The following AMZ1 variants were observed in gnomAD, a reference collection of about 807,000 sequenced individuals.
The protein encoded by AMZ1 is archaelysin family metallopeptidase 1, also known as archaemetzincin-1.
A neutral mutation model predicts 29.9 loss-of-function variants in AMZ1; 39 were observed. That is an observed-to-expected ratio of 1.30 (90% CI 1.01 to 1.70). AMZ1 has a LOEUF of 1.70. AMZ1 is among the 40% of genes most tolerant of loss of function. The pLI is 0.00. For synonymous variants in AMZ1, 458 were observed against 304.0 expected, an observed-to-expected ratio of 1.51 and a Z score of -5.27; for missense variants, 1,041 against 680.6, an observed-to-expected ratio of 1.53 and a Z score of -5.89.
At chr7:2,759,338 C>T (rs1791451192) in intron 4 of AMZ1, among the ~76,000 whole-genome samples, 1 of 152,164 alleles carries the variant, frequency 6.6e-6, no homozygotes, top group Non-Finnish European at 1.5e-5. Flanking sequence ...ACCTACCTTG[C>T]ACTTCCTATG....
intron 1 of AMZ1, among the ~76,000 whole-genome samples, chr7:2,695,334 G>A (rs1489209697): frequency 6.6e-6 from 1 of 152,142 alleles, no homozygotes; most frequent in Non-Finnish European, 1.5e-5. Flanking sequence ...ATGCGGGTCT[G>A]GGCACAGGCT....
chr7:2,719,806 A>C (rs996132429), downstream of AMZ1, among the ~76,000 whole-genome samples: 3 of 151,058 alleles, frequency 2.0e-5, no homozygotes, highest in Non-Finnish European at 2.9e-5. Flanking sequence ...TCAGCCTCCC[A>C]CGTAGATGGG....
chr7:2,696,719 C>G (rs961389648), intron 1 of AMZ1, among the ~76,000 whole-genome samples: 1 of 151,822 alleles, frequency 6.6e-6, no homozygotes. Context: ...AACCCTGTCT[C>G]CACTAAAAAT....
Position 2,709,817 on chromosome 7 carries a change from G to A in AMZ1, c.948+1G>A, listed in dbSNP as rs762338362. Reference sequence around the variant, plus strand: ...TTTCAGGCTCATCGAGAGGTACCAGGTGAGTGGCTGAGTTGCGCTGCCCGG... The same window carrying A: ...TTTCAGGCTCATCGAGAGGTACCAGATGAGTGGCTGAGTTGCGCTGCCCGG... On this transcript the variant is annotated splice_donor_variant, in intron 6 of 6. Transcript: ENST00000683327. LOFTEE classifies it high-confidence loss of function. The A allele has an allele frequency of 6.8e-6, 11 of 1,611,572 alleles. No individual in the cohort carries two copies. The highest frequency in any genetic ancestry group is 2.7e-5 in the African/African-American group (2 of 74,912).
At chr7:2,708,933 T>A in intron 4 of AMZ1, 142 bp from the exon 5 acceptor site, 1 of 1,272,770 alleles carries the variant, frequency 7.9e-7, no homozygotes, top group Admixed American at 2.7e-5. Context: ...CCCAACTTCA[T>A]GTGGGCAGGA....
At chr7:2,743,973 G>C (rs1247455792) in intron 4 of AMZ1, among the ~76,000 whole-genome samples, 1 of 152,152 alleles carries the variant, frequency 6.6e-6, no homozygotes, top group Non-Finnish European at 1.5e-5. Context: ...GGCTGGGGGA[G>C]GGGTACCCAC....
At chr7:2,763,344 G>C (rs2115405163), upstream of AMZ1, 1 of 157,742 alleles carries the variant, frequency 6.3e-6, no homozygotes, top group Non-Finnish European at 1.4e-5. Flanking sequence ...TGCGCCCTCG[G>C]CACAGTTTGT....
In AMZ1 at chr7:2,700,508, C is replaced by T. The variant is rs555064289; in HGVS notation, c.57C>T (p.Asp19=). Residue 19 remains aspartate (D), a synonymous_variant, in exon 2 of 7, where the codon GAC becomes GAT. Transcript: ENST00000683327. Reference sequence around the variant, plus strand: ...GCTTCGGGCCCCGGGCCTTGAAGGACGCTCTGGTCTCCACTGACGCAGCCC... The same window carrying T: ...GCTTCGGGCCCCGGGCCTTGAAGGATGCTCTGGTCTCCACTGACGCAGCCC... ...EFSFGPRALK[D]ALVSTDAALQ... is the part of the protein sequence containing the mutation. 754 of 1,606,412 alleles carry T rather than the reference C, an allele frequency of 4.7e-4. 8 individuals carry two copies. The South Asian group carries it at 7.1e-3, about 15-fold the overall frequency.
intron 1 of AMZ1, among the ~76,000 whole-genome samples, chr7:2,696,383 A>C (rs1241100502): frequency 6.7e-6 from 1 of 150,294 alleles, no homozygotes; most frequent in East Asian, 2.1e-4. Flanking sequence ...CAGCCTCCCA[A>C]GTAGCTGGGA....
rs1789123083 is a variant in AMZ1, at chr7:2,716,367, G to GGTGTGA, written c.*3490_*3495dup. 1 of 152,194 alleles carries GGTGTGA rather than the reference G, an allele frequency of 6.6e-6. No homozygotes were observed. The highest frequency in any genetic ancestry group is 2.4e-5 in the African/African-American group (1 of 41,436). The allele number at this position is 152,194 out of a possible 1,614,324, so 9.4% of individuals were successfully genotyped here. A position where few individuals can be genotyped will look rare whatever the true frequency, so the allele number is the denominator to read the frequency against. On this transcript the variant is annotated 3_prime_UTR_variant, in exon 7 of 7. Coordinates refer to ENST00000683327, the MANE Select transcript of AMZ1 (RefSeq NM_001384743.1). The stretch of plus-strand genomic sequence containing the variant: ...AAGCAGCATCCTGACTCCTGTCCAT[G>GGTGTGA]GTGTGAACCCTGAGGGCACGGGACA...
downstream of AMZ1, among the ~76,000 whole-genome samples, chr7:2,724,081 A>AT (rs1402725101): frequency 1.1e-5 from 1 of 94,676 alleles, no homozygotes; most frequent in African/African-American, 4.1e-5. Flanking sequence ...AATTTTTTGT[A>AT]TTTTTAGTAG....
At chr7:2,739,463 T>C (rs1298696286) in intron 4 of AMZ1, among the ~76,000 whole-genome samples, 2 of 150,622 alleles carry the variant, frequency 1.3e-5, no homozygotes, top group African/African-American at 4.9e-5. Context: ...CAGTGCAACA[T>C]TCCATTTTAC....
upstream of AMZ1, chr7:2,763,145 G>A (rs1204356863): frequency 1.7e-6 from 2 of 1,187,274 alleles, no homozygotes; most frequent in East Asian, 3.7e-5. Flanking sequence ...AGCATTTCTC[G>A]AATATTCTGC....
chr7:2,691,131 C>CAAAA lies in AMZ1; in HGVS notation c.-219+2851_-219+2854dup, dbSNP rs35603123. Among the ~76,000 whole-genome samples, 181 of 68,644 alleles carry CAAAA rather than the reference C, an allele frequency of 2.6e-3. 15 individuals are homozygous for CAAAA. In the East Asian group the frequency reaches 0.046, roughly 18 times the overall value. The allele number at this position is 68,644 out of a possible 152,430, so 45.0% of individuals were successfully genotyped here. On this transcript the variant is annotated intron_variant, in intron 1 of 6. Coordinates refer to ENST00000683327, the MANE Select transcript of AMZ1 (RefSeq NM_001384743.1). Reference sequence around the variant, plus strand: ...TGCACTCCAGCCTGGGTGACAGAGGCAAAAAAAAAAAAAAAAAAAGCATTT... The same window carrying CAAAA: ...TGCACTCCAGCCTGGGTGACAGAGGCAAAAAAAAAAAAAAAAAAAAAAAGCATTT...
rs1788514294 is a variant in AMZ1 at position 2,708,576 on chromosome 7, C to CTTACCATGTCCTGA, written c.473-11_473-10insTACCATGTCCTGAT. The CTTACCATGTCCTGA allele has an allele frequency of 8.1e-6, 13 of 1,611,492 alleles. No homozygotes were observed. Among genetic ancestry groups the CTTACCATGTCCTGA allele is most frequent in the African/African-American group, 1.3e-5 (1 of 74,884 alleles). On this transcript the variant is annotated splice_polypyrimidine_tract_variant and intron_variant, in intron 3 of 6. Coordinates refer to ENST00000683327, the MANE Select transcript of AMZ1 (RefSeq NM_001384743.1). ...TGCCTCCTGACCCCATCCTCTGGCC[C>CTTACCATGTCCTGA]TCTCCCCGCAGACGGCATCCTGTCC...
chr7:2,699,714 G>T (rs1787942573), intron 1 of AMZ1, among the ~76,000 whole-genome samples: 1 of 152,196 alleles, frequency 6.6e-6, no homozygotes, highest in Non-Finnish European at 1.5e-5. Context: ...CCAGGCGATG[G>T]GGGGACCCAG....
At chr7:2,722,177 G>A (rs1449247878), downstream of AMZ1, among the ~76,000 whole-genome samples, 5 of 152,220 alleles carry the variant, frequency 3.3e-5, no homozygotes, top group African/African-American at 4.8e-5. Flanking sequence ...CGGTGGCCAT[G>A]AGTAGGTGCC....
chr7:2,763,044 G>T (rs547878062), upstream of AMZ1: 5 of 1,248,214 alleles, frequency 4.0e-6, no homozygotes, highest in East Asian at 3.1e-5. Context: ...TCAGCGTGCC[G>T]TTCCTCCAGG....
chr7:2,711,142 C>T (rs558152738), intron 6 of AMZ1, among the ~76,000 whole-genome samples: 1 of 152,312 alleles, frequency 6.6e-6, no homozygotes, highest in South Asian at 2.1e-4. Flanking sequence ...TCCGTGAGCA[C>T]CATCTCCTGA....
Sources: gnomAD v4.1 joint callset for allele counts (sites outside exome capture counted in the v4.1 genomes callset) on GRCh38, gnomAD v4.1.1 for gene constraint, MANE v1.5 for transcripts, NCBI Gene and HGNC (gene_info 2026-07-23, HGNC 2026-07-21) for gene names.